The following KIAA0825 variants were observed in gnomAD, a reference collection of about 807,000 sequenced individuals.
KIAA0825 encodes the protein KIAA0825, also known as uncharacterized protein KIAA0825.
KIAA0825 carries 119 observed loss-of-function variants against 147.6 expected under a neutral mutation model. The ratio of observed to expected loss-of-function variants is 0.81; its 90% confidence interval spans 0.69 to 0.94. KIAA0825 has a LOEUF of 0.94. Ranked by LOEUF, KIAA0825 falls within the 40% of genes least tolerant of loss-of-function variation. The pLI is 0.00. For synonymous variants in KIAA0825, 470 were observed against 518.1 expected, an observed-to-expected ratio of 0.91 and a Z score of 1.26; for missense variants, 1,381 against 1,472.7, an observed-to-expected ratio of 0.94 and a Z score of 1.02.
chr5:94,616,798 C>T lies in KIAA0825; in HGVS notation c.-153+1702G>A, dbSNP rs961869185. Among the ~76,000 whole-genome samples the T allele has an allele frequency of 2.0e-4, 31 of 152,230 alleles. 1 individual carries two copies. The highest frequency in any genetic ancestry group is 2.0e-3 in the Admixed American group (31 of 15,284). On this transcript the variant is annotated intron_variant, in intron 1 of 20. Transcript: ENST00000682413. ...CAAAATTACCTTATGGTGATGAACA[C>T]ATCCCTTAAGTCCCTTTTATCCTCA...
intron 20 of KIAA0825, among the ~76,000 whole-genome samples, chr5:94,173,177 AGTG>A (rs1481868440): frequency 0.018 from 2,795 of 152,084 alleles, 95 homozygotes; most frequent in African/African-American, 0.064. Context: ...GAAACTAGGG[AGTG>A]AGAAAAGATG....
At chr5:94,184,032 G>A (rs1769899670) in intron 20 of KIAA0825, among the ~76,000 whole-genome samples, 1 of 152,118 alleles carries the variant, frequency 6.6e-6, no homozygotes, top group Non-Finnish European at 1.5e-5. Context: ...AATCTTGTAG[G>A]ACTGAGCCTT....
intron 6 of KIAA0825, among the ~76,000 whole-genome samples, chr5:94,477,910 G>A (rs921889434): frequency 6.6e-6 from 1 of 152,158 alleles, no homozygotes; most frequent in Non-Finnish European, 1.5e-5. Flanking sequence ...TTAGATTAAT[G>A]ATAATTTGAT....
chr5:94,509,172 C>T (rs1479649805), intron 5 of KIAA0825, among the ~76,000 whole-genome samples: 1 of 152,112 alleles, frequency 6.6e-6, no homozygotes, highest in African/African-American at 2.4e-5. Flanking sequence ...ATGACAGAAC[C>T]TTAAAGAACT....
intron 1 of KIAA0825, among the ~76,000 whole-genome samples, chr5:94,584,241 C>T (rs557399346): frequency 5.3e-5 from 8 of 152,018 alleles, no homozygotes; most frequent in East Asian, 1.9e-4. Flanking sequence ...CAAACTTCTC[C>T]GAGCTAAAGG....
chr5:94,508,076 G>C (rs769193995), intron 5 of KIAA0825, among the ~76,000 whole-genome samples: 3 of 150,478 alleles, frequency 2.0e-5, no homozygotes, highest in Non-Finnish European at 4.4e-5. Flanking sequence ...GATATCCTTA[G>C]TTTTATAGGC....
chr5:94,303,579 A>G (rs959165791), intron 20 of KIAA0825, among the ~76,000 whole-genome samples: 2 of 152,122 alleles, frequency 1.3e-5, no homozygotes, highest in African/African-American at 2.4e-5. Flanking sequence ...TTAGAAATAT[A>G]TATTTGTTTC....
chr5:94,560,845 G>A (rs146891304), intron 2 of KIAA0825, among the ~76,000 whole-genome samples: 295 of 152,196 alleles, frequency 1.9e-3, no homozygotes, highest in African/African-American at 5.9e-3. Flanking sequence ...GCGCGTGTAC[G>A]CACACAGCAC....
intron 20 of KIAA0825, among the ~76,000 whole-genome samples, chr5:94,173,090 A>T (rs539020717): frequency 1.3e-5 from 2 of 152,304 alleles, no homozygotes; most frequent in South Asian, 4.1e-4. Context: ...AATTTATAAA[A>T]ATAGATTAAG....
At chr5:94,297,272 A>G (rs578245422) in intron 20 of KIAA0825, among the ~76,000 whole-genome samples, 2 of 152,224 alleles carry the variant, frequency 1.3e-5, no homozygotes, top group Non-Finnish European at 2.9e-5. Context: ...ATATTCCTGC[A>G]TCTAAATAGT....
At chr5:94,266,093 A>G (rs1017281467) in intron 20 of KIAA0825, among the ~76,000 whole-genome samples, 14 of 152,340 alleles carry the variant, frequency 9.2e-5, no homozygotes, top group African/African-American at 3.4e-4. Context: ...GGTATTTGGC[A>G]GATATTTTCC....
rs142057583 is a variant in KIAA0825, at chr5:94,489,327, T to G, written c.971-4397A>C. On this transcript the variant is annotated intron_variant, in intron 5 of 20. Coordinates refer to ENST00000682413, the MANE Select transcript of KIAA0825 (RefSeq NM_001145678.3). ...CTGTAGCATTAAAAATGCAAATTTCTGGATCTTCTCCAGAATTAATGAATC... is the reference window on the plus strand; with the variant it reads ...CTGTAGCATTAAAAATGCAAATTTCGGGATCTTCTCCAGAATTAATGAATC... Among the ~76,000 whole-genome samples, 745 of 152,220 alleles carry G rather than the reference T, an allele frequency of 4.9e-3. 5 individuals are homozygous for G. Among genetic ancestry groups the G allele is most frequent in the African/African-American group, 0.016 (672 of 41,520 alleles).
intron 2 of KIAA0825, among the ~76,000 whole-genome samples, chr5:94,579,043 G>T (rs960077880): frequency 6.6e-6 from 1 of 151,862 alleles, no homozygotes; most frequent in East Asian, 1.9e-4. Flanking sequence ...CCTCAGCCCC[G>T]CCCCCGTAGC....
chr5:94,165,711 G>A (rs1767971039), intron 20 of KIAA0825, among the ~76,000 whole-genome samples: 1 of 152,260 alleles, frequency 6.6e-6, no homozygotes, highest in South Asian at 2.1e-4. Context: ...CAGCACGGAT[G>A]GAACTGGAGA....
chr5:94,462,628 G>T, intron 11 of KIAA0825, 59 bp from the exon 12 acceptor site: 1 of 1,015,904 alleles, frequency 9.8e-7, no homozygotes, highest in Non-Finnish European at 1.4e-6. Context: ...TGCTTGGTAG[G>T]CACTTTCATT....
chr5:94,475,574 G>C (rs750937175), intron 7 of KIAA0825, among the ~76,000 whole-genome samples: 1 of 152,150 alleles, frequency 6.6e-6, no homozygotes, highest in Non-Finnish European at 1.5e-5. Context: ...TTGGGAGGCC[G>C]AGGCAGGCGG....
chr5:94,328,973 G>T (rs918522804), intron 20 of KIAA0825, among the ~76,000 whole-genome samples: 1 of 152,038 alleles, frequency 6.6e-6, no homozygotes, highest in Non-Finnish European at 1.5e-5. Flanking sequence ...TTTGTTAGGT[G>T]TGTCTTTTAG....
chr5:94,220,222 CA>C (rs1773562423), intron 20 of KIAA0825, among the ~76,000 whole-genome samples: 2 of 152,256 alleles, frequency 1.3e-5, no homozygotes, highest in East Asian at 3.9e-4. Flanking sequence ...TCATCAATAT[CA>C]CTGTCTTCCA....
chr5:94,311,251 T>G (rs79179926), intron 20 of KIAA0825, among the ~76,000 whole-genome samples: 2,453 of 151,302 alleles, frequency 0.016, 25 homozygotes, highest in Non-Finnish European at 0.027. Context: ...GGGTTTTTTT[T>G]TTGTTGTTGT....
Sources: gnomAD v4.1 joint callset for allele counts (sites outside exome capture counted in the v4.1 genomes callset) on GRCh38, gnomAD v4.1.1 for gene constraint, MANE v1.5 for transcripts, NCBI Gene and HGNC (gene_info 2026-07-23, HGNC 2026-07-21) for gene names.